The following DGKB variants were observed in gnomAD, a reference collection of about 807,000 sequenced individuals.
The protein encoded by DGKB is diacylglycerol kinase beta.
Under a neutral mutation model 114.3 loss-of-function variants are expected in DGKB, and 67 were observed. That is an observed-to-expected ratio of 0.59 (90% CI 0.48 to 0.72). The LOEUF (loss-of-function observed/expected upper bound fraction) is 0.72. DGKB is among the 30% of genes least tolerant of loss of function. The pLI is 0.00. For synonymous variants in DGKB, 398 were observed against 323.1 expected (o/e 1.23, Z -2.49); for missense variants, 907 against 975.2 (o/e 0.93, Z 0.93).
intron 21 of DGKB, among the ~76,000 whole-genome samples, chr7:14,421,799 G>A (rs1001790995): frequency 6.6e-6 from 1 of 152,070 alleles, no homozygotes; most frequent in African/African-American, 2.4e-5. Flanking sequence ...ACTTAGACAT[G>A]TAGCTAAAGA....
chr7:14,403,393 G>C (rs1292758387), intron 21 of DGKB, among the ~76,000 whole-genome samples: 10 of 151,864 alleles, frequency 6.6e-5, no homozygotes, highest in African/African-American at 2.4e-4. Context: ...CTTTGGCACA[G>C]TATGCTTTCC....
chr7:14,440,472 G>A (rs575538288), intron 21 of DGKB, among the ~76,000 whole-genome samples: 33 of 151,736 alleles, frequency 2.2e-4, no homozygotes, highest in African/African-American at 7.2e-4. Context: ...TCATTCTTTC[G>A]GCCTTCAATA....
At chr7:14,375,699 A>G (rs963368905) in intron 21 of DGKB, among the ~76,000 whole-genome samples, 3 of 152,106 alleles carry the variant, frequency 2.0e-5, no homozygotes, top group Admixed American at 2.0e-4. Context: ...TCACGCTGGC[A>G]TTTCCTGCTT....
chr7:14,172,358 G>A lies in DGKB; in HGVS notation c.2304+4481C>T, dbSNP rs544625429. 1.2e-4 allele frequency among the ~76,000 whole-genome samples: 18 copies of A among 152,256 alleles called. No individual in the cohort carries two copies. In the South Asian group the frequency reaches 3.5e-3, roughly 30 times the overall value. On this transcript the variant is annotated intron_variant, in intron 25 of 25. Coordinates refer to ENST00000402815, the MANE Select transcript of DGKB (RefSeq NM_001350709.2). ...CATGGACTTAATTGGAACAAAAATT[G>A]AGATGGGGAAATATTGATGTGGTTT...
intron 17 of DGKB, among the ~76,000 whole-genome samples, chr7:14,589,501 A>G (rs1020873940): frequency 6.6e-6 from 1 of 151,972 alleles, no homozygotes; most frequent in African/African-American, 2.4e-5. Context: ...CCCATTTAGG[A>G]TATCTGTTAT....
intron 25 of DGKB, among the ~76,000 whole-genome samples, chr7:14,150,690 G>C (rs892957468): frequency 6.6e-5 from 10 of 152,016 alleles, no homozygotes; most frequent in Admixed American, 2.0e-4. Context: ...TTGATAGTTG[G>C]ATAGTTAAGA....
intron 5 of DGKB, among the ~76,000 whole-genome samples, chr7:14,733,083 G>C (rs1343038367): frequency 6.6e-6 from 1 of 152,142 alleles, no homozygotes; most frequent in Non-Finnish European, 1.5e-5. Context: ...CAGAGAACAA[G>C]GAAGTTTTAA....
chr7:14,770,245 C>G (rs1163740732), intron 2 of DGKB, among the ~76,000 whole-genome samples: 1 of 152,052 alleles, frequency 6.6e-6, no homozygotes, highest in East Asian at 1.9e-4. Flanking sequence ...GGAGCGCCTT[C>G]AGACTATGAC....
chr7:14,390,482 T>C (rs1821145427), intron 21 of DGKB, among the ~76,000 whole-genome samples: 1 of 152,232 alleles, frequency 6.6e-6, no homozygotes, highest in Non-Finnish European at 1.5e-5. Flanking sequence ...AATTCTCCTT[T>C]AAATTCCATC....
chr7:14,291,891 C>T (rs1192191948), intron 23 of DGKB, among the ~76,000 whole-genome samples: 1 of 152,096 alleles, frequency 6.6e-6, no homozygotes, highest in Non-Finnish European at 1.5e-5. Flanking sequence ...ACAAGGCAAA[C>T]ATTGGCATAG....
chr7:14,629,170 T>A lies in DGKB; in HGVS notation c.1167+1066A>T, dbSNP rs377295922. Among the ~76,000 whole-genome samples the A allele has an allele frequency of 2.8e-3, 431 of 152,156 alleles. 16 individuals are homozygous for A. In the South Asian group the frequency reaches 0.086, roughly 30 times the overall value. On this transcript the variant is annotated intron_variant, in intron 14 of 25. Coordinates refer to ENST00000402815, the MANE Select transcript of DGKB (RefSeq NM_001350709.2). ...ATTCTCTCACACTTAAATAACCCAATGAAATAATAAACTGTCCTAATACTT... is the reference window on the plus strand; with the variant it reads ...ATTCTCTCACACTTAAATAACCCAAAGAAATAATAAACTGTCCTAATACTT...
At chr7:14,602,153 A>C (rs997199617) in intron 17 of DGKB, among the ~76,000 whole-genome samples, 2 of 152,196 alleles carry the variant, frequency 1.3e-5, no homozygotes, top group Non-Finnish European at 2.9e-5. Flanking sequence ...AAAGTCTATA[A>C]AGGGTAATTT....
At chr7:14,391,209 A>G (rs1437864034) in intron 21 of DGKB, among the ~76,000 whole-genome samples, 1 of 152,198 alleles carries the variant, frequency 6.6e-6, no homozygotes, top group African/African-American at 2.4e-5. Context: ...TTTGCATGGA[A>G]ATGTAGAATT....
chr7:14,951,911 G>C (rs1292523819), intron 1 of DGKB, among the ~76,000 whole-genome samples: 1 of 151,878 alleles, frequency 6.6e-6, no homozygotes, highest in Middle Eastern at 3.2e-3. Context: ...AAATTAAAGA[G>C]GATCTAAATA....
intron 17 of DGKB, among the ~76,000 whole-genome samples, chr7:14,593,272 G>C: frequency 6.6e-6 from 1 of 151,908 alleles, no homozygotes; most frequent in Non-Finnish European, 1.5e-5. Flanking sequence ...ATGAGACACA[G>C]AAAATGAGAG....
At chr7:14,952,392 C>T (rs1786253437) in intron 1 of DGKB, among the ~76,000 whole-genome samples, 1 of 151,932 alleles carries the variant, frequency 6.6e-6, no homozygotes, top group Admixed American at 6.6e-5. Context: ...CTTAATATTG[C>T]TAATATAGCA....
rs1414139270 is a variant in DGKB, at chr7:14,962,626, GTGTGTGTGTT to G, written c.-188+12060_-188+12069del. Among the ~76,000 whole-genome samples the G allele has an allele frequency of 1.1e-3, 153 of 143,982 alleles. 4 individuals carry two copies. The East Asian group carries it at 0.015, about 15-fold the overall frequency. The allele number at this position is 143,982 out of a possible 152,430, so 94.5% of individuals were successfully genotyped here. On this transcript the variant is annotated intron_variant, in intron 1 of 4. Coordinates refer to the DGKB transcript ENST00000437998. ...TTTGTAAATAGCTATAGCTGTGTGT[GTGTGTGTGTT>G]TGTGTGTGTGTGTGTGTGTGTGTGT...
chr7:14,702,357 T>A (rs565607488), intron 6 of DGKB, among the ~76,000 whole-genome samples: 2 of 152,258 alleles, frequency 1.3e-5, no homozygotes, highest in East Asian at 1.9e-4. Context: ...TTCTTTCTGA[T>A]GGAGGAAGCC....
chr7:14,217,352 G>T (rs942394376), intron 23 of DGKB, among the ~76,000 whole-genome samples: 1 of 151,824 alleles, frequency 6.6e-6, no homozygotes, highest in East Asian at 1.9e-4. Flanking sequence ...TCCTTGGGAC[G>T]TGGGTTTTTT....
Sources: allele counts gnomAD v4.1 joint callset (sites outside exome capture counted in the v4.1 genomes callset), GRCh38; gene constraint gnomAD v4.1.1; transcripts MANE v1.5; gene names NCBI Gene and HGNC (gene_info 2026-07-23, HGNC 2026-07-21).